ST7L: variants seen among roughly 807,000 people sequenced by gnomAD.
ST7L encodes the protein suppressor of tumorigenicity 7 protein-like.
Under a neutral mutation model 72.5 loss-of-function variants are expected in ST7L, and 57 were observed. That is an observed-to-expected ratio of 0.79 (90% CI 0.64 to 0.98). The LOEUF (loss-of-function observed/expected upper bound fraction) is 0.98. ST7L is among the 50% of genes least tolerant of loss of function. ST7L has a pLI of 0.00. For missense variants in ST7L, 576 were observed against 672.2 expected (o/e 0.86, Z 1.58); for synonymous variants, 221 against 240.9 (o/e 0.92, Z 0.77).
At chr1:112,595,965 T>C (rs1666417939) in intron 5 of ST7L, among the ~76,000 whole-genome samples, 1 of 152,210 alleles carries the variant, frequency 6.6e-6, no homozygotes, top group Non-Finnish European at 1.5e-5. Flanking sequence ...CTTCAGTAGA[T>C]AGCCATGATT....
At chr1:112,619,643 C>T (rs1670507020), upstream of ST7L, 2 of 588,902 alleles carry the variant, frequency 3.4e-6, no homozygotes, top group South Asian at 4.0e-5. Flanking sequence ...CTTCAAATCA[C>T]CTAAGGCAAA....
At chr1:112,520,244 T>A (rs764860088), downstream of ST7L, 2 of 1,586,014 alleles carry the variant, frequency 1.3e-6, no homozygotes, top group Admixed American at 1.7e-5. Context: ...GCTGAAGAGA[T>A]AACTTTGTTC....
chr1:112,591,805 T>C lies in ST7L; in HGVS notation c.623-202A>G, dbSNP rs560552391. 7.2e-5 allele frequency among the ~76,000 whole-genome samples: 11 copies of C among 152,238 alleles called. No individual in the cohort carries two copies. The South Asian group carries it at 2.3e-3, about 32-fold the overall frequency. ...AAGCTTCACATAAAATAAAAATATATTCTTTCTCTGATTTATTTTAACAAT... is the reference window on the plus strand; with the variant it reads ...AAGCTTCACATAAAATAAAAATATACTCTTTCTCTGATTTATTTTAACAAT... On this transcript the variant is annotated intron_variant, in intron 5 of 14. Coordinates refer to ENST00000358039, the MANE Select transcript of ST7L (RefSeq NM_017744.5).
chr1:112,587,187 G>C (rs974236208), intron 6 of ST7L, among the ~76,000 whole-genome samples: 1 of 152,106 alleles, frequency 6.6e-6, no homozygotes, highest in Non-Finnish European at 1.5e-5. Context: ...TAAATTAATT[G>C]GGATATATGG....
At chr1:112,571,185 C>CA (rs1046933541) in intron 11 of ST7L, 5 of 396,352 alleles carry the variant, frequency 1.3e-5, no homozygotes, top group African/African-American at 4.2e-5. Flanking sequence ...CCAAATTCTT[C>CA]AAAAAAACCT....
rs1666190020 is a variant in ST7L at position 112,525,687 on chromosome 1, T to A, written c.*326A>T. Reference sequence around the variant, plus strand: ...CGATGGAGCAGCTGGACATTAGAGTTCTTTCTCTTTGACCAAAGGAGCCAA... The same window carrying A: ...CGATGGAGCAGCTGGACATTAGAGTACTTTCTCTTTGACCAAAGGAGCCAA... On this transcript the variant is annotated 3_prime_UTR_variant, in exon 15 of 15. Transcript: ENST00000358039. The A allele has an allele frequency of 4.6e-6, 1 of 217,474 alleles. No homozygotes were observed. The highest frequency in any genetic ancestry group is 1.0e-4 in the South Asian group (1 of 9,562). 13.5% of individuals were successfully genotyped at this position (217,474 alleles called of 1,614,324 possible).
At chr1:112,591,865 A>T (rs1197809121) in intron 5 of ST7L, among the ~76,000 whole-genome samples, 1 of 152,162 alleles carries the variant, frequency 6.6e-6, no homozygotes, top group Admixed American at 6.5e-5. Context: ...TTATATCATT[A>T]TTATGTATGA....
At chr1:112,560,009 T>A (rs1306875159) in intron 11 of ST7L, among the ~76,000 whole-genome samples, 4 of 151,996 alleles carry the variant, frequency 2.6e-5, no homozygotes, top group African/African-American at 9.7e-5. Context: ...TTATGCTAGC[T>A]TATTTTTTAT....
At chr1:112,538,488 G>A (rs1239737260) in intron 14 of ST7L, among the ~76,000 whole-genome samples, 1 of 152,064 alleles carries the variant, frequency 6.6e-6, no homozygotes, top group Non-Finnish European at 1.5e-5. Flanking sequence ...GACCACAGGT[G>A]CACACCACCA....
chr1:112,541,993 G>A lies in ST7L; in HGVS notation c.1587C>T (p.Leu529=). Residue 529 remains leucine (L), a synonymous_variant, in exon 14 of 15, where the codon CTC becomes CTT. Transcript: ENST00000358039. The part of the protein sequence containing the change: ...FCSSTAMIAI[L]THQFPEIMGI... ...CCATGATTTCAGGAAACTGGTGAGT[G>A]AGAATGGCTATCATTGCTGTAGAAG... 6.2e-7 allele frequency: 1 copy of A among 1,613,982 alleles called. No individual in the cohort carries two copies. Among genetic ancestry groups the A allele is most frequent in the Non-Finnish European group, 8.5e-7 (1 of 1,179,960 alleles).
intron 6 of ST7L, among the ~76,000 whole-genome samples, chr1:112,587,805 G>T (rs912366930): frequency 6.6e-6 from 1 of 152,256 alleles, no homozygotes; most frequent in Middle Eastern, 3.4e-3. Flanking sequence ...AGGGTCTCTT[G>T]CAGTTCTGTA....
intron 14 of ST7L, among the ~76,000 whole-genome samples, chr1:112,535,406 G>T (rs201284854): frequency 0.058 from 8,724 of 150,818 alleles, 413 homozygotes; most frequent in East Asian, 0.21. Context: ...AGAAGAAGAA[G>T]AAGAAGAAGA....
upstream of ST7L, chr1:112,619,410 C>A (rs949619465): frequency 1.8e-6 from 1 of 542,190 alleles, no homozygotes; most frequent in Non-Finnish European, 3.3e-6. Context: ...TCACACCGCC[C>A]CCCCCCCGGG....
At chr1:112,555,782 C>T (rs1242141112) in intron 12 of ST7L, 86 bp downstream of exon 12, 5 of 1,268,136 alleles carry the variant, frequency 3.9e-6, no homozygotes, top group Non-Finnish European at 5.2e-6. Context: ...CTTATGGAAA[C>T]CCAGACAATC....
intron 14 of ST7L, among the ~76,000 whole-genome samples, chr1:112,536,023 A>T (rs968557855): frequency 1.3e-5 from 2 of 152,240 alleles, no homozygotes; most frequent in Non-Finnish European, 2.9e-5. Context: ...GTAAACATTT[A>T]AAAATTTTGA....
chr1:112,584,063 C>G lies in ST7L; in HGVS notation c.765G>C (p.Arg255Ser). The G allele has an allele frequency of 1.2e-6, 2 of 1,614,108 alleles. No homozygotes were observed. Among genetic ancestry groups the G allele is most frequent in the Non-Finnish European group, 1.7e-6 (2 of 1,180,020 alleles). Residue 255 changes from arginine to serine, a missense_variant, in exon 7 of 15, where the codon AGG (arginine) becomes AGC (serine). Transcript: ENST00000358039. ...EEATTIVDAE[R>S]LFKQALKAGE... The stretch of plus-strand genomic sequence containing the variant: ...CTGCCTTGAGTGCCTGTTTAAATAA[C>G]CTTTCAGCATCTACAATAGTTGTTG...
chr1:112,618,318 T>C, intron 1 of ST7L: 1 of 1,005,910 alleles, frequency 9.9e-7, no homozygotes, highest in Non-Finnish European at 1.2e-6. Flanking sequence ...GCAAACCCAC[T>C]GTTGTTTGTG....
chr1:112,556,056 G>C, intron 11 of ST7L, 38 bp from the exon 12 acceptor site: 1 of 1,347,156 alleles, frequency 7.4e-7, no homozygotes, highest in East Asian at 2.6e-5. Flanking sequence ...ACACACAACA[G>C]AAAAAAGAAA....
intron 9 of ST7L, among the ~76,000 whole-genome samples, chr1:112,581,398 CT>C (rs5777129): frequency 0.24 from 32,711 of 135,064 alleles, 3,134 homozygotes; most frequent in East Asian, 0.41. Flanking sequence ...GGCTCCCCGT[CT>C]TTTTTTTTTT....
Sources: allele counts gnomAD v4.1 joint callset (sites outside exome capture counted in the v4.1 genomes callset), GRCh38; gene constraint gnomAD v4.1.1; transcripts MANE v1.5; gene names NCBI Gene and HGNC (gene_info 2026-07-23, HGNC 2026-07-21).